Variants in KATNAL1 observed in about 807,000 individuals in gnomAD.
The protein encoded by KATNAL1 is katanin catalytic subunit A1 like 1.
A neutral mutation model predicts 55.2 loss-of-function variants in KATNAL1; 32 were observed. That is an observed-to-expected ratio of 0.58 (90% confidence interval 0.44 to 0.78). The LOEUF is 0.78. Ranked by LOEUF, KATNAL1 falls within the 30% of genes least tolerant of loss-of-function variation. The pLI is 0.00. For missense variants in KATNAL1, 466 were observed against 600.9 expected, an observed-to-expected ratio of 0.78 and a Z score of 2.35; for synonymous variants, 193 against 193.6, an observed-to-expected ratio of 1.00 and a Z score of 0.02.
At chr13:30,211,867 T>C (rs374190619) in intron 9 of KATNAL1, among the ~76,000 whole-genome samples, 54 of 152,298 alleles carry the variant, frequency 3.5e-4, no homozygotes, top group African/African-American at 1.3e-3. Flanking sequence ...CTTGTGGAAA[T>C]AGACAAATAG....
At chr13:30,251,086 C>T (rs1340185005) in intron 4 of KATNAL1, among the ~76,000 whole-genome samples, 3 of 141,746 alleles carry the variant, frequency 2.1e-5, no homozygotes, top group Non-Finnish European at 3.0e-5. Context: ...TGCAGCGAGC[C>T]GAGATCGCGC....
rs34899786 is a variant in KATNAL1 at position 30,251,139 on chromosome 13, C to CAAAA, written c.492+4304_492+4307dup. Reference sequence around the variant, plus strand: ...TGGGCGACAGAGCAAGACTCTGCCTCAAAAAAAAAAAAAAAAAAAATACTT... The same window carrying CAAAA: ...TGGGCGACAGAGCAAGACTCTGCCTCAAAAAAAAAAAAAAAAAAAAAAAATACTT... On this transcript the variant is annotated intron_variant, in intron 4 of 10. Coordinates refer to ENST00000380615, the MANE Select transcript of KATNAL1 (RefSeq NM_032116.5). Among the ~76,000 whole-genome samples the CAAAA allele has an allele frequency of 2.9e-3, 246 of 85,854 alleles. 2 individuals carry two copies. Among genetic ancestry groups the CAAAA allele is most frequent in the African/African-American group, 0.012 (233 of 20,098 alleles). 56.3% of individuals were successfully genotyped at this position (85,854 alleles called of 152,430 possible).
rs1476897461 is a variant in KATNAL1 at position 30,275,392 on chromosome 13, T to TC, written c.323+4670dup. Among the ~76,000 whole-genome samples, 3 of 152,162 alleles carry TC rather than the reference T, an allele frequency of 2.0e-5. No individual in the cohort carries two copies. In the East Asian group the frequency reaches 5.8e-4, roughly 29 times the overall value. ...TACTAAGCCATTCATGAGGAATCTGTCCCCATGATCCTGTATCTCCCACCA... is the reference window on the plus strand; with the variant it reads ...TACTAAGCCATTCATGAGGAATCTGTCCCCCATGATCCTGTATCTCCCACCA... On this transcript the variant is annotated intron_variant, in intron 3 of 10. Transcript: ENST00000380615.
chr13:30,218,709 A>G (rs1214352970), intron 9 of KATNAL1, among the ~76,000 whole-genome samples: 1 of 152,198 alleles, frequency 6.6e-6, no homozygotes, highest in Admixed American at 6.5e-5. Context: ...CATTTGGAGC[A>G]CTAAGCTACC....
rs140673672 is a variant in KATNAL1 at position 30,256,699 on chromosome 13, G to C, written c.324-1084C>G. Among the ~76,000 whole-genome samples the C allele has an allele frequency of 3.3e-3, 476 of 145,504 alleles. 1 individual carries two copies. Among genetic ancestry groups the C allele is most frequent in the Non-Finnish European group, 5.0e-3 (328 of 65,962 alleles). ...CTAAGGGCCAAAACAGTAAGAAAAA[G>C]AAAAAAAAAGAAAAAAAAATGTGTT... On this transcript the variant is annotated intron_variant, in intron 3 of 10. Transcript: ENST00000380615.
intron 1 of KATNAL1, among the ~76,000 whole-genome samples, chr13:30,306,372 T>TA (rs1034258120): frequency 1.8e-4 from 28 of 151,504 alleles, no homozygotes; most frequent in African/African-American, 6.1e-4. Context: ...TGCCTACTGC[T>TA]AAAAAAGTCT....
At chr13:30,267,464 T>C (rs922217477) in intron 3 of KATNAL1, among the ~76,000 whole-genome samples, 2 of 152,254 alleles carry the variant, frequency 1.3e-5, no homozygotes, top group African/African-American at 4.8e-5. Context: ...TTTAGCTGAA[T>C]GTACATACAT....
intron 4 of KATNAL1, among the ~76,000 whole-genome samples, chr13:30,247,149 G>A (rs1877876396): frequency 1.3e-5 from 2 of 152,138 alleles, no homozygotes; most frequent in Non-Finnish European, 2.9e-5. Context: ...TACAGCTCCA[G>A]AATCAGTGCT....
chr13:30,223,246 T>C (rs903937775), intron 9 of KATNAL1, among the ~76,000 whole-genome samples: 14 of 151,824 alleles, frequency 9.2e-5, no homozygotes, highest in South Asian at 2.1e-4. Flanking sequence ...GAGACCATCC[T>C]GGCTAACACG....
intron 3 of KATNAL1, among the ~76,000 whole-genome samples, chr13:30,264,924 G>GT (rs1192884463): frequency 2.1e-5 from 3 of 144,942 alleles, no homozygotes; most frequent in African/African-American, 7.7e-5. Flanking sequence ...ACATGCACAT[G>GT]TATGTTTATT....
intron 6 of KATNAL1, among the ~76,000 whole-genome samples, chr13:30,231,779 T>C (rs928442670): frequency 3.3e-5 from 5 of 152,194 alleles, no homozygotes; most frequent in African/African-American, 1.2e-4. Context: ...CATATACATA[T>C]AATATTCAGC....
At chr13:30,294,710 T>C (rs967539662) in intron 1 of KATNAL1, among the ~76,000 whole-genome samples, 2 of 152,186 alleles carry the variant, frequency 1.3e-5, no homozygotes, top group African/African-American at 4.8e-5. Flanking sequence ...AAATATTTCA[T>C]CTAAGACTTT....
intron 1 of KATNAL1, among the ~76,000 whole-genome samples, chr13:30,298,838 G>T (rs1425911935): frequency 6.6e-6 from 1 of 152,084 alleles, no homozygotes; most frequent in Non-Finnish European, 1.5e-5. Flanking sequence ...AAATGCAACA[G>T]AGTAGAAAGA....
chr13:30,255,711 T>G (rs1878727282), intron 3 of KATNAL1, 96 bp from the exon 4 acceptor site: 4 of 1,154,930 alleles, frequency 3.5e-6, no homozygotes, highest in Non-Finnish European at 4.4e-6. Context: ...AATTGTTAAA[T>G]CAAAAAGCCC....
At chr13:30,219,623 C>T (rs188982041) in intron 9 of KATNAL1, among the ~76,000 whole-genome samples, 1 of 152,286 alleles carries the variant, frequency 6.6e-6, no homozygotes, top group Non-Finnish European at 1.5e-5. Context: ...TAAATGAACA[C>T]TTGTTGATGA....
At chr13:30,238,582 C>A (rs941332779) in intron 6 of KATNAL1, among the ~76,000 whole-genome samples, 1 of 152,220 alleles carries the variant, frequency 6.6e-6, no homozygotes, top group Non-Finnish European at 1.5e-5. Flanking sequence ...TAGCGAAATC[C>A]TCACAACCCT....
intron 8 of KATNAL1, among the ~76,000 whole-genome samples, chr13:30,228,986 C>T (rs1875801295): frequency 6.6e-6 from 1 of 152,226 alleles, no homozygotes; most frequent in South Asian, 2.1e-4. Context: ...CTCCTGGCCT[C>T]AAGTGATCCT....
intron 4 of KATNAL1, among the ~76,000 whole-genome samples, chr13:30,242,198 C>T (rs534337571): frequency 2.0e-5 from 3 of 152,236 alleles, no homozygotes; most frequent in African/African-American, 4.8e-5. Flanking sequence ...AAGAATACAA[C>T]AGAAACTGAC....
At chr13:30,222,928 A>G (rs2137373156) in intron 9 of KATNAL1, among the ~76,000 whole-genome samples, 1 of 151,896 alleles carries the variant, frequency 6.6e-6, no homozygotes, top group Non-Finnish European at 1.5e-5. Context: ...CCCCGTCTCT[A>G]CTAATAATAT....
Sources: gnomAD v4.1 joint callset for allele counts (sites outside exome capture counted in the v4.1 genomes callset) on GRCh38, gnomAD v4.1.1 for gene constraint, MANE v1.5 for transcripts, NCBI Gene and HGNC (gene_info 2026-07-23, HGNC 2026-07-21) for gene names.